The following FNBP1L variants were observed in gnomAD, a reference collection of about 807,000 sequenced individuals.
The protein encoded by FNBP1L is formin-binding protein 1-like.
FNBP1L carries 36 observed loss-of-function variants against 91.2 expected under a neutral mutation model. The observed-to-expected ratio is 0.39, with a 90% confidence interval of 0.30 to 0.52. The LOEUF (loss-of-function observed/expected upper bound fraction) is 0.52. Ranked by LOEUF, FNBP1L falls within the 20% of genes least tolerant of loss-of-function variation. The pLI is 0.66. For missense variants in FNBP1L, 571 were observed against 732.1 expected (o/e 0.78, Z 2.54); for synonymous variants, 242 against 237.0 (o/e 1.02, Z -0.19).
At chr1:93,469,573 C>T (rs10874786) in intron 1 of FNBP1L, among the ~76,000 whole-genome samples, 72,347 of 152,028 alleles carry the variant, frequency 0.48, 20,602 homozygotes, top group Non-Finnish European at 0.61. Context: ...TTTATAGTAG[C>T]ATGATTTATA....
chr1:93,549,937 T>C (rs1672354113), intron 15 of FNBP1L, among the ~76,000 whole-genome samples: 1 of 152,208 alleles, frequency 6.6e-6, no homozygotes, highest in Non-Finnish European at 1.5e-5. Context: ...ATGTTATCTC[T>C]TACTCTATGA....
rs143348900 is a variant in FNBP1L, at chr1:93,538,008, T to C, written c.1149+1518T>C. On this transcript the variant is annotated intron_variant, in intron 10 of 16. Coordinates refer to ENST00000271234, the MANE Select transcript of FNBP1L (RefSeq NM_001164473.3). ...ACTCCTCTGGCAATTTAGACTACAC[T>C]AAATATTATATTGTTACATAAATCA... is the stretch of plus-strand genomic sequence containing the variant. Among the ~76,000 whole-genome samples the C allele has an allele frequency of 1.3e-4, 20 of 152,292 alleles. No homozygotes were observed. The East Asian group carries it at 3.5e-3, about 26-fold the overall frequency.
chr1:93,466,303 T>C (rs963823982), intron 1 of FNBP1L, among the ~76,000 whole-genome samples: 4 of 152,220 alleles, frequency 2.6e-5, no homozygotes, highest in African/African-American at 9.6e-5. Flanking sequence ...AGGTATTGCC[T>C]AGGTTTTCTT....
chr1:93,453,771 A>G (rs1668569934), intron 1 of FNBP1L, among the ~76,000 whole-genome samples: 1 of 152,248 alleles, frequency 6.6e-6, no homozygotes, highest in African/African-American at 2.4e-5. Context: ...GGCCATGTCT[A>G]TCTAATACAC....
chr1:93,523,870 TA>T (rs1206195814), intron 4 of FNBP1L, among the ~76,000 whole-genome samples: 1 of 152,240 alleles, frequency 6.6e-6, no homozygotes, highest in East Asian at 1.9e-4. Flanking sequence ...CATTGACTTT[TA>T]TATTGCCTGT....
intron 1 of FNBP1L, among the ~76,000 whole-genome samples, chr1:93,495,848 T>C (rs551493308): frequency 6.6e-6 from 1 of 152,244 alleles, no homozygotes; most frequent in Non-Finnish European, 1.5e-5. Flanking sequence ...CTGAAAATGA[T>C]CTGTGTCATG....
Position 93,552,755 on chromosome 1 carries a change from T to G in FNBP1L, c.*339T>G, listed in dbSNP as rs1672454763. Reference sequence around the variant, plus strand: ...CTTACATTAGCTGTCCCAACAGGATTGTCTTCCCTCCCAGCTCTGTTTTAA... The same window carrying G: ...CTTACATTAGCTGTCCCAACAGGATGGTCTTCCCTCCCAGCTCTGTTTTAA... On this transcript the variant is annotated 3_prime_UTR_variant, in exon 17 of 17. Coordinates refer to ENST00000271234, the MANE Select transcript of FNBP1L (RefSeq NM_001164473.3). 1 of 225,030 alleles carries G rather than the reference T, an allele frequency of 4.4e-6. No homozygotes were observed. The highest frequency in any genetic ancestry group is 2.3e-5 in the African/African-American group (1 of 44,160). The allele number at this position is 225,030 out of a possible 1,614,324, so 13.9% of individuals were successfully genotyped here.
chr1:93,517,049 T>C (rs1671147661), intron 2 of FNBP1L, among the ~76,000 whole-genome samples: 1 of 151,454 alleles, frequency 6.6e-6, no homozygotes. Context: ...CTTCCTTTTT[T>C]TTTTTTTTGA....
rs944835513 is a variant in FNBP1L at position 93,489,274 on chromosome 1, T to C, written c.25-10194T>C. Reference sequence around the variant, plus strand: ...AATCCAAGCTGTATAAAGGTGGATATGACGACAGGAGTGGGTGAAGGATAA... The same window carrying C: ...AATCCAAGCTGTATAAAGGTGGATACGACGACAGGAGTGGGTGAAGGATAA... On this transcript the variant is annotated intron_variant, in intron 1 of 16. Transcript: ENST00000271234. Among the ~76,000 whole-genome samples the C allele has an allele frequency of 4.0e-4, 61 of 152,054 alleles. 2 individuals carry two copies. The highest frequency in any genetic ancestry group is 3.8e-3 in the Admixed American group (58 of 15,254).
intron 2 of FNBP1L, among the ~76,000 whole-genome samples, chr1:93,514,382 A>G (rs1456799731): frequency 2.7e-5 from 4 of 148,594 alleles, no homozygotes; most frequent in African/African-American, 9.7e-5. Context: ...CCATCAAGCT[A>G]CCAATGACTT....
chr1:93,509,008 A>T (rs1670725901), intron 2 of FNBP1L, among the ~76,000 whole-genome samples: 1 of 152,216 alleles, frequency 6.6e-6, no homozygotes, highest in Admixed American at 6.5e-5. Flanking sequence ...AAGAATTACA[A>T]CAGAAATTTT....
intron 11 of FNBP1L, among the ~76,000 whole-genome samples, chr1:93,542,799 A>T (rs1167720243): frequency 1.3e-4 from 15 of 117,964 alleles, no homozygotes; most frequent in East Asian, 7.1e-4. Flanking sequence ...TTTTTTTTTT[A>T]AAAGACGGAG....
At chr1:93,514,776 A>G (rs550514674) in intron 2 of FNBP1L, among the ~76,000 whole-genome samples, 1 of 152,026 alleles carries the variant, frequency 6.6e-6, no homozygotes, top group East Asian at 1.9e-4. Context: ...TTCAAGATGG[A>G]TTAAAGACTT....
intron 9 of FNBP1L, among the ~76,000 whole-genome samples, chr1:93,535,456 A>G (rs945336270): frequency 6.6e-6 from 1 of 152,126 alleles, no homozygotes; most frequent in African/African-American, 2.4e-5. Context: ...TATTTTAGAT[A>G]GATCTAGGTC....
chr1:93,542,005 A>C (rs1672062058), intron 11 of FNBP1L, among the ~76,000 whole-genome samples: 1 of 152,146 alleles, frequency 6.6e-6, no homozygotes, highest in South Asian at 2.1e-4. Flanking sequence ...TTGACAACAA[A>C]AAAAAACTCC....
chr1:93,492,676 C>T (rs989312570), intron 1 of FNBP1L, among the ~76,000 whole-genome samples: 11 of 151,906 alleles, frequency 7.2e-5, no homozygotes, highest in Non-Finnish European at 1.2e-4. Context: ...AGCAAGACCC[C>T]GTCTTTACAA....
intron 1 of FNBP1L, among the ~76,000 whole-genome samples, chr1:93,448,780 G>A (rs1000266560): frequency 2.0e-5 from 3 of 152,162 alleles, no homozygotes; most frequent in African/African-American, 7.2e-5. Flanking sequence ...CAGGTCCGCG[G>A]GGCTAGGGCG....
intron 16 of FNBP1L, chr1:93,551,353 T>G: frequency 8.7e-7 from 1 of 1,154,736 alleles, no homozygotes. Context: ...TGCCTTTTGC[T>G]TTATGTCCCG....
chr1:93,517,169 G>A lies in FNBP1L; in HGVS notation c.141-4913G>A, dbSNP rs554750794. ...AGCAGTTCTCATACCTCACCCTCCCGAGTAGCTGAGACTACAGGAGTGCGC... is the reference window on the plus strand; with the variant it reads ...AGCAGTTCTCATACCTCACCCTCCCAAGTAGCTGAGACTACAGGAGTGCGC... On this transcript the variant is annotated intron_variant, in intron 2 of 16. Transcript: ENST00000271234. Among the ~76,000 whole-genome samples, 9 of 150,972 alleles carry A rather than the reference G, an allele frequency of 6.0e-5. No homozygotes were observed. In the East Asian group the frequency reaches 1.6e-3, roughly 26 times the overall value.
Sources: allele counts gnomAD v4.1 joint callset (sites outside exome capture counted in the v4.1 genomes callset), GRCh38; gene constraint gnomAD v4.1.1; transcripts MANE v1.5; gene names NCBI Gene and HGNC (gene_info 2026-07-23, HGNC 2026-07-21).